The following EDIL3 variants were observed in gnomAD, a reference collection of about 807,000 sequenced individuals.
EDIL3 encodes EGF-like repeat and discoidin I-like domain-containing protein 3.
In EDIL3, 37 loss-of-function variants were observed where a neutral mutation model predicts 67.4. The ratio of observed to expected loss-of-function variants is 0.55; its 90% CI spans 0.42 to 0.72. The LOEUF is 0.72. EDIL3 is among the 30% of genes least tolerant of loss of function. The pLI, the probability that EDIL3 is intolerant of heterozygous loss-of-function variation, is 0.00. For synonymous variants in EDIL3, 195 were observed against 196.3 expected, an observed-to-expected ratio of 0.99 and a Z score of 0.05; for missense variants, 527 against 586.3, an observed-to-expected ratio of 0.90 and a Z score of 1.04.
chr5:84,383,255 C>T (rs1299904036), intron 1 of EDIL3, among the ~76,000 whole-genome samples: 2 of 152,086 alleles, frequency 1.3e-5, no homozygotes, highest in African/African-American at 4.8e-5. Context: ...CCAGGCACAG[C>T]TCCCACTCGC....
intron 6 of EDIL3, among the ~76,000 whole-genome samples, chr5:84,102,399 G>T (rs1044124297): frequency 7.2e-5 from 11 of 151,996 alleles, no homozygotes; most frequent in Non-Finnish European, 1.2e-4. Flanking sequence ...CAGAGGACAT[G>T]ATTCCATATC....
At chr5:84,015,604 T>G (rs1745590298) in intron 9 of EDIL3, among the ~76,000 whole-genome samples, 1 of 152,096 alleles carries the variant, frequency 6.6e-6, no homozygotes, top group African/African-American at 2.4e-5. Context: ...TTAGCAGGGA[T>G]GAAAGATAAA....
chr5:84,314,889 A>G (rs910634237), intron 1 of EDIL3, among the ~76,000 whole-genome samples: 1 of 152,258 alleles, frequency 6.6e-6, no homozygotes, highest in African/African-American at 2.4e-5. Flanking sequence ...TAAGTAGCCC[A>G]AAAACTATTT....
At chr5:84,003,483 C>T (rs1745365726) in intron 9 of EDIL3, among the ~76,000 whole-genome samples, 2 of 152,106 alleles carry the variant, frequency 1.3e-5, no homozygotes. Flanking sequence ...TGCATGGCTG[C>T]AAATGCGAGG....
intron 10 of EDIL3, among the ~76,000 whole-genome samples, chr5:83,944,571 A>G (rs1744280428): frequency 6.6e-6 from 1 of 151,772 alleles, no homozygotes; most frequent in Non-Finnish European, 1.5e-5. Context: ...AAACTGAGGT[A>G]TTTATATTAT....
In EDIL3 at chr5:84,013,970, T is replaced by C. The variant is rs368035452; in HGVS notation, c.1137+46330A>G. 4.9e-4 allele frequency among the ~76,000 whole-genome samples: 75 copies of C among 152,298 alleles called. 1 individual carries two copies. Among genetic ancestry groups the C allele is most frequent in the African/African-American group, 1.8e-3 (74 of 41,570 alleles). ...TTTTTGTTTTATTTTTAATGGGACA[T>C]GGTGCACCTTAGATTTGGTCATCAG... is the stretch of plus-strand genomic sequence containing the variant. On this transcript the variant is annotated intron_variant, in intron 9 of 10. Coordinates refer to ENST00000296591, the MANE Select transcript of EDIL3 (RefSeq NM_005711.5).
intron 1 of EDIL3, among the ~76,000 whole-genome samples, chr5:84,295,275 A>T (rs527944251): frequency 1.8e-4 from 28 of 152,236 alleles, no homozygotes; most frequent in African/African-American, 6.0e-4. Context: ...TTAATATGTC[A>T]TTAGAAGAAA....
intron 9 of EDIL3, among the ~76,000 whole-genome samples, chr5:84,053,156 A>G (rs1004705177): frequency 1.3e-5 from 2 of 152,186 alleles, no homozygotes; most frequent in Non-Finnish European, 2.9e-5. Flanking sequence ...TAATAAACTC[A>G]CTCAAAACCA....
chr5:84,181,705 C>T (rs1367307932), intron 3 of EDIL3, among the ~76,000 whole-genome samples: 2 of 152,022 alleles, frequency 1.3e-5, no homozygotes, highest in Non-Finnish European at 2.9e-5. Flanking sequence ...GGACAGAATC[C>T]AGACTTGAGA....
chr5:84,383,989 G>T (rs1448729780), intron 1 of EDIL3, among the ~76,000 whole-genome samples: 1 of 152,152 alleles, frequency 6.6e-6, no homozygotes, highest in Non-Finnish European at 1.5e-5. Flanking sequence ...GGGAGGGTTT[G>T]CGCCGAGACC....
chr5:84,301,696 A>G (rs568825177), intron 1 of EDIL3, among the ~76,000 whole-genome samples: 22 of 152,344 alleles, frequency 1.4e-4, no homozygotes, highest in African/African-American at 5.1e-4. Context: ...GAAAGCAATC[A>G]TTAATCAAAT....
intron 1 of EDIL3, among the ~76,000 whole-genome samples, chr5:84,275,859 A>G (rs1745574380): frequency 1.3e-5 from 2 of 152,222 alleles, no homozygotes; most frequent in Admixed American, 6.5e-5. Flanking sequence ...GTAAAATGCA[A>G]AAGTAATTGT....
At chr5:84,363,592 G>A (rs1441539329) in intron 1 of EDIL3, among the ~76,000 whole-genome samples, 2 of 152,100 alleles carry the variant, frequency 1.3e-5, no homozygotes, top group Non-Finnish European at 2.9e-5. Context: ...TAGTGCAACT[G>A]ATACTGTATT....
intron 5 of EDIL3, among the ~76,000 whole-genome samples, chr5:84,126,698 C>A (rs1057170774): frequency 1.3e-5 from 2 of 152,034 alleles, no homozygotes; most frequent in South Asian, 4.1e-4. Flanking sequence ...TTTCAGTCAT[C>A]CAATAATACA....
At chr5:84,144,368 T>C (rs1048652967) in intron 4 of EDIL3, among the ~76,000 whole-genome samples, 2 of 150,402 alleles carry the variant, frequency 1.3e-5, no homozygotes, top group Non-Finnish European at 3.0e-5. Context: ...CAACAATTAA[T>C]ATGTCACAAT....
At chr5:84,017,755 T>A (rs1214359240) in intron 9 of EDIL3, among the ~76,000 whole-genome samples, 1 of 152,216 alleles carries the variant, frequency 6.6e-6, no homozygotes, top group African/African-American at 2.4e-5. Flanking sequence ...TTCTGTTGTT[T>A]TCTTTTTCAA....
intron 6 of EDIL3, among the ~76,000 whole-genome samples, chr5:84,101,009 C>A (rs959522522): frequency 6.6e-6 from 1 of 151,972 alleles, no homozygotes; most frequent in African/African-American, 2.4e-5. Flanking sequence ...GAAAACAAAC[C>A]TACAACACCA....
chr5:84,321,213 A>G (rs968825526), intron 1 of EDIL3, among the ~76,000 whole-genome samples: 3 of 151,970 alleles, frequency 2.0e-5, no homozygotes, highest in East Asian at 1.9e-4. Flanking sequence ...CCTGGTGTAT[A>G]TCTGTTGGTG....
chr5:84,262,143 T>G (rs1424058067), intron 1 of EDIL3, among the ~76,000 whole-genome samples: 1 of 152,208 alleles, frequency 6.6e-6, no homozygotes, highest in Non-Finnish European at 1.5e-5. Flanking sequence ...CGAAATGAAC[T>G]AATCCAGTGG....
Sources: allele counts gnomAD v4.1 joint callset (sites outside exome capture counted in the v4.1 genomes callset), GRCh38; gene constraint gnomAD v4.1.1; transcripts MANE v1.5; gene names NCBI Gene and HGNC (gene_info 2026-07-23, HGNC 2026-07-21).